Variants in ROCK2 observed in about 807,000 individuals in gnomAD.
The protein encoded by ROCK2 is Rho associated coiled-coil containing protein kinase 2, also known as rho-associated protein kinase 2.
Under a neutral mutation model 195.1 loss-of-function variants are expected in ROCK2, and 61 were observed. The observed-to-expected ratio is 0.31, with a 90% CI of 0.25 to 0.39. The LOEUF is 0.39. ROCK2 is among the 10% of genes least tolerant of loss of function. ROCK2 has a pLI of 1.00. For missense variants in ROCK2, 1,109 were observed against 1,637.4 expected (o/e 0.68, Z 5.57); for synonymous variants, 504 against 545.5 (o/e 0.92, Z 1.06).
At chr2:11,260,035 C>T (rs544565807) in intron 3 of ROCK2, among the ~76,000 whole-genome samples, 1 of 151,524 alleles carries the variant, frequency 6.6e-6, no homozygotes, top group African/African-American at 2.4e-5. Flanking sequence ...ACTAGAAAAC[C>T]CTCTTACAGC....
chr2:11,189,825 A>G (rs561272707), intron 32 of ROCK2, among the ~76,000 whole-genome samples: 100 of 152,060 alleles, frequency 6.6e-4, no homozygotes, highest in Non-Finnish European at 9.9e-4. Context: ...TCTACAGAAA[A>G]TAAAAACAAA....
chr2:11,338,911 CAA>C (rs35796085), intron 1 of ROCK2, among the ~76,000 whole-genome samples: 189 of 131,328 alleles, frequency 1.4e-3, no homozygotes, highest in Non-Finnish European at 1.5e-3. Context: ...ATCTTTACTG[CAA>C]AAAAAAAAAA....
At chr2:11,263,849 C>T (rs1666322814) in intron 3 of ROCK2, among the ~76,000 whole-genome samples, 1 of 150,576 alleles carries the variant, frequency 6.6e-6, no homozygotes, top group South Asian at 2.1e-4. Context: ...ATTGAATATA[C>T]AGCAGAGATA....
intron 1 of ROCK2, among the ~76,000 whole-genome samples, chr2:11,340,874 G>T (rs750528366): frequency 5.3e-5 from 8 of 152,258 alleles, no homozygotes; most frequent in South Asian, 2.1e-4. Flanking sequence ...ACAGGTTATT[G>T]TGACTGTTTA....
intron 18 of ROCK2, among the ~76,000 whole-genome samples, chr2:11,211,289 A>G (rs1479179191): frequency 6.6e-6 from 1 of 152,212 alleles, no homozygotes; most frequent in Non-Finnish European, 1.5e-5. Flanking sequence ...TTATAATACA[A>G]AACTCTTGTA....
At chr2:11,275,230 C>T (rs189637840) in intron 3 of ROCK2, among the ~76,000 whole-genome samples, 70 of 150,500 alleles carry the variant, frequency 4.7e-4, no homozygotes, top group African/African-American at 1.7e-3. Context: ...GCACTCCAGC[C>T]TGGGGGACAA....
At chr2:11,272,931 T>C (rs1193151100) in intron 3 of ROCK2, among the ~76,000 whole-genome samples, 4 of 150,002 alleles carry the variant, frequency 2.7e-5, no homozygotes, top group African/African-American at 7.3e-5. Flanking sequence ...CTGGTATAAA[T>C]TGACATCTGA....
At chr2:11,199,146 C>T (rs1449225434) in intron 23 of ROCK2, among the ~76,000 whole-genome samples, 1 of 151,914 alleles carries the variant, frequency 6.6e-6, no homozygotes, top group Non-Finnish European at 1.5e-5. Flanking sequence ...AGTGATCGCC[C>T]GCCTAGGCCT....
chr2:11,251,740 G>A (rs1158534414), intron 3 of ROCK2, among the ~76,000 whole-genome samples: 1 of 151,334 alleles, frequency 6.6e-6, no homozygotes, highest in African/African-American at 2.4e-5. Context: ...TACAGAATGG[G>A]AGAAAATTTT....
chr2:11,336,096 C>A lies in ROCK2; in HGVS notation c.141+7900G>T, dbSNP rs1668920353. On this transcript the variant is annotated intron_variant, in intron 1 of 32. Transcript: ENST00000315872. ...TAGATAAGTGCTATTAGCATTTATA[C>A]CCTTCTATGCTCCCTAAATTTTCTA... 3.9e-5 allele frequency among the ~76,000 whole-genome samples: 6 copies of A among 152,076 alleles called. 1 individual carries two copies. In the South Asian group the frequency reaches 1.2e-3, roughly 32 times the overall value.
chr2:11,305,444 TACACACACACACACACAC>T (rs59533265), intron 1 of ROCK2, among the ~76,000 whole-genome samples: 2 of 150,364 alleles, frequency 1.3e-5, no homozygotes, highest in Non-Finnish European at 3.0e-5. Context: ...TGTGTGGGTG[TACACACACACACACACAC>T]ACACACACAC....
At chr2:11,246,101 C>G (rs1665604251) in intron 4 of ROCK2, among the ~76,000 whole-genome samples, 2 of 152,138 alleles carry the variant, frequency 1.3e-5, no homozygotes, top group African/African-American at 4.8e-5. Context: ...GCACAAATAG[C>G]TGGTAACACA....
intron 4 of ROCK2, among the ~76,000 whole-genome samples, chr2:11,240,219 CCTTAAT>C (rs1252145266): frequency 6.6e-6 from 1 of 152,176 alleles, no homozygotes; most frequent in East Asian, 1.9e-4. Flanking sequence ...CAGCTAAAAG[CCTTAAT>C]CTTCTAATCA....
At chr2:11,320,945 A>G (rs888850352) in intron 1 of ROCK2, among the ~76,000 whole-genome samples, 6 of 152,184 alleles carry the variant, frequency 3.9e-5, no homozygotes, top group Non-Finnish European at 7.3e-5. Context: ...TACTCCCCCT[A>G]GAGTCTTCAG....
At chr2:11,209,123 C>G (rs1350294819) in intron 18 of ROCK2, among the ~76,000 whole-genome samples, 2 of 152,162 alleles carry the variant, frequency 1.3e-5, no homozygotes, top group East Asian at 3.9e-4. Context: ...TACCTTAAAA[C>G]AATCCAGGTA....
chr2:11,337,667 T>C (rs1418857367), intron 1 of ROCK2, among the ~76,000 whole-genome samples: 1 of 151,840 alleles, frequency 6.6e-6, no homozygotes, highest in East Asian at 1.9e-4. Flanking sequence ...AGTCTCACTC[T>C]TGTTGCCCAG....
chr2:11,194,125 G>C, intron 29 of ROCK2, 131 bp downstream of exon 29: 1 of 465,326 alleles, frequency 2.1e-6, no homozygotes, highest in Non-Finnish European at 3.8e-6. Context: ...ACTTTCATCT[G>C]TATGAAGCAA....
Position 11,302,772 on chromosome 2 carries a change from C to T in ROCK2, c.142-15036G>A, listed in dbSNP as rs929340686. The stretch of plus-strand genomic sequence containing the variant: ...GTTAATAATTTTAAAATATTGATTA[C>T]ATGTTAAAATAATACTTTGTTATAC... On this transcript the variant is annotated intron_variant, in intron 1 of 32. Coordinates refer to ENST00000315872, the MANE Select transcript of ROCK2 (RefSeq NM_004850.5). Among the ~76,000 whole-genome samples, 4 of 152,156 alleles carry T rather than the reference C, an allele frequency of 2.6e-5. No homozygotes were observed. In the East Asian group the frequency reaches 7.7e-4, roughly 29 times the overall value.
chr2:11,330,609 C>T (rs563611363), intron 1 of ROCK2, among the ~76,000 whole-genome samples: 3 of 151,912 alleles, frequency 2.0e-5, no homozygotes, highest in East Asian at 3.9e-4. Context: ...ACCCAAGAAG[C>T]GGAGGCTGCA....
Sources: gnomAD v4.1 joint callset for allele counts (sites outside exome capture counted in the v4.1 genomes callset) on GRCh38, gnomAD v4.1.1 for gene constraint, MANE v1.5 for transcripts, NCBI Gene and HGNC (gene_info 2026-07-23, HGNC 2026-07-21) for gene names.